KLF12: variants seen among roughly 807,000 people sequenced by gnomAD.
KLF12 encodes Krueppel-like factor 12.
In KLF12, 9 loss-of-function variants were observed where a neutral mutation model predicts 37.8. The ratio of observed to expected loss-of-function variants is 0.24; its 90% CI spans 0.14 to 0.42. KLF12 has a LOEUF of 0.42. Ranked by LOEUF, KLF12 falls within the 10% of genes least tolerant of loss-of-function variation. The probability of loss-of-function intolerance (pLI) is 1.00; values close to 1 mark genes in which losing one functional copy is unlikely to be tolerated. For synonymous variants in KLF12, 208 were observed against 202.1 expected (o/e 1.03, Z -0.25); for missense variants, 411 against 516.0 (o/e 0.80, Z 1.97).
At chr13:73,923,440 A>G (rs1298714505) in intron 3 of KLF12, among the ~76,000 whole-genome samples, 2 of 152,224 alleles carry the variant, frequency 1.3e-5, no homozygotes, top group Admixed American at 1.3e-4. Flanking sequence ...CTCAGAATGT[A>G]TATGTATCTA....
chr13:73,754,451 C>A (rs1214504326), intron 6 of KLF12, among the ~76,000 whole-genome samples: 1 of 152,064 alleles, frequency 6.6e-6, no homozygotes, highest in Non-Finnish European at 1.5e-5. Flanking sequence ...CTGCTGCTGG[C>A]CCTCTCCTGG....
chr13:73,825,467 ACTAGTCTTCT>A (rs1424289805), intron 4 of KLF12, among the ~76,000 whole-genome samples: 2 of 152,226 alleles, frequency 1.3e-5, no homozygotes, highest in East Asian at 3.8e-4. Context: ...GGAGGTACAC[ACTAGTCTTCT>A]CTGCTTTCCC....
intron 3 of KLF12, among the ~76,000 whole-genome samples, chr13:73,887,882 G>C (rs958265318): frequency 6.6e-6 from 1 of 152,064 alleles, no homozygotes; most frequent in Non-Finnish European, 1.5e-5. Context: ...CAGTATAAAG[G>C]ATTACATGAC....
chr13:73,720,894 T>C (rs1292270020), intron 6 of KLF12, among the ~76,000 whole-genome samples: 1 of 151,824 alleles, frequency 6.6e-6, no homozygotes, highest in Admixed American at 6.6e-5. Context: ...TAAAAAAAAA[T>C]TAAAAAGGCC....
At chr13:74,278,047 G>A in the KLF12 span, among the ~76,000 whole-genome samples, 2 of 152,132 alleles carry the variant, frequency 1.3e-5, no homozygotes, top group African/African-American at 4.8e-5. Context: ...TGGGTTGGGT[G>A]GTGCTGTTCT....
At chr13:74,261,976 G>T in the KLF12 span, among the ~76,000 whole-genome samples, 1 of 152,162 alleles carries the variant, frequency 6.6e-6, no homozygotes, top group Non-Finnish European at 1.5e-5. Context: ...GTGCTGTGCT[G>T]TGCTGTCCCG....
At chr13:74,093,852 CA>C (rs1875818809) in intron 1 of KLF12, among the ~76,000 whole-genome samples, 1 of 151,846 alleles carries the variant, frequency 6.6e-6, no homozygotes, top group Non-Finnish European at 1.5e-5. Flanking sequence ...AAATAGCAAT[CA>C]ACCACTCTGA....
At chr13:74,253,235 C>T in the KLF12 span, among the ~76,000 whole-genome samples, 3 of 152,142 alleles carry the variant, frequency 2.0e-5, no homozygotes, top group East Asian at 5.8e-4. Flanking sequence ...ATAGTCTTAA[C>T]ATTACCTATA....
At chr13:73,991,053 C>T (rs751707332) in intron 2 of KLF12, among the ~76,000 whole-genome samples, 1 of 152,100 alleles carries the variant, frequency 6.6e-6, no homozygotes, top group Non-Finnish European at 1.5e-5. Flanking sequence ...ATTCCATAAT[C>T]TTTCCCAAAT....
chr13:74,293,791 G>A, the KLF12 span, among the ~76,000 whole-genome samples: 1 of 152,210 alleles, frequency 6.6e-6, no homozygotes, highest in Non-Finnish European at 1.5e-5. Flanking sequence ...TATTGGCCAT[G>A]TCAGCACCTG....
intron 6 of KLF12, among the ~76,000 whole-genome samples, chr13:73,755,994 G>A (rs999907027): frequency 3.3e-5 from 5 of 151,814 alleles, no homozygotes; most frequent in African/African-American, 4.8e-5. Context: ...TTCTTTATCC[G>A]CTTGTTGACT....
chr13:73,772,855 T>G (rs546148871), intron 5 of KLF12, among the ~76,000 whole-genome samples: 52 of 151,788 alleles, frequency 3.4e-4, no homozygotes, highest in African/African-American at 1.2e-3. Flanking sequence ...GGGATTCAGA[T>G]GGACACAGCA....
At chr13:73,955,265 G>A (rs1246855236) in intron 2 of KLF12, among the ~76,000 whole-genome samples, 4 of 152,104 alleles carry the variant, frequency 2.6e-5, no homozygotes, top group African/African-American at 9.7e-5. Context: ...GTACTAACCT[G>A]ATTTTCTTTG....
intron 5 of KLF12, among the ~76,000 whole-genome samples, chr13:73,770,918 T>C (rs1239095645): frequency 6.6e-6 from 1 of 152,170 alleles, no homozygotes; most frequent in Non-Finnish European, 1.5e-5. Context: ...AAATATTACA[T>C]TTTGAAGGAA....
chr13:74,241,592 A>T, the KLF12 span, among the ~76,000 whole-genome samples: 3 of 152,166 alleles, frequency 2.0e-5, no homozygotes, highest in African/African-American at 7.2e-5. Flanking sequence ...CTGTGCTAGC[A>T]ATCAGCGAGA....
the KLF12 span, among the ~76,000 whole-genome samples, chr13:74,268,133 C>T: frequency 6.9e-6 from 1 of 144,360 alleles, no homozygotes; most frequent in Non-Finnish European, 1.5e-5. Flanking sequence ...CAATTTGTTA[C>T]AACAGCCAAA....
At chr13:73,760,033 G>A (rs1879444617) in intron 6 of KLF12, among the ~76,000 whole-genome samples, 1 of 152,076 alleles carries the variant, frequency 6.6e-6, no homozygotes, top group Non-Finnish European at 1.5e-5. Context: ...GTTCACTGTA[G>A]CACCATACAT....
At position 73,784,858 on chromosome 13, in the gene KLF12, A is replaced by C. The variant is rs763272045; in HGVS notation, c.807-19858T>G. On this transcript the variant is annotated intron_variant, in intron 5 of 7. Transcript: ENST00000377669. Reference sequence around the variant, plus strand: ...TCACCGTGTTAGCCAGGATGGTCTCAATCTCCTGACCTCGTGATCCACCCG... The same window carrying C: ...TCACCGTGTTAGCCAGGATGGTCTCCATCTCCTGACCTCGTGATCCACCCG... Among the ~76,000 whole-genome samples, 28 of 151,638 alleles carry C rather than the reference A, an allele frequency of 1.8e-4. 1 individual carries two copies. Among genetic ancestry groups the C allele is most frequent in the Admixed American group, 7.2e-4 (11 of 15,204 alleles).
chr13:73,729,376 A>C (rs1409009110), intron 6 of KLF12, among the ~76,000 whole-genome samples: 1 of 152,230 alleles, frequency 6.6e-6, no homozygotes, highest in Non-Finnish European at 1.5e-5. Flanking sequence ...GTATACTGTA[A>C]AATACTGCAT....
Sources: gnomAD v4.1 joint callset for allele counts (sites outside exome capture counted in the v4.1 genomes callset) on GRCh38, gnomAD v4.1.1 for gene constraint, MANE v1.5 for transcripts, NCBI Gene and HGNC (gene_info 2026-07-23, HGNC 2026-07-21) for gene names.